The following UBR3 variants were observed in gnomAD, a reference collection of about 807,000 sequenced individuals.
The protein encoded by UBR3 is ubiquitin protein ligase E3 component n-recognin 3.
A neutral mutation model predicts 243.2 loss-of-function variants in UBR3; 85 were observed. The ratio of observed to expected loss-of-function variants is 0.35; its 90% CI spans 0.29 to 0.42. UBR3 has a LOEUF of 0.42. UBR3 is among the 10% of genes least tolerant of loss of function. UBR3 has a pLI of 1.00. For synonymous variants in UBR3, 748 were observed against 799.8 expected, an observed-to-expected ratio of 0.94 and a Z score of 1.09; for missense variants, 1,686 against 2,300.8, an observed-to-expected ratio of 0.73 and a Z score of 5.47.
chr2:169,951,496 CAGAT>C (rs1000591413), intron 23 of UBR3, among the ~76,000 whole-genome samples: 4 of 152,060 alleles, frequency 2.6e-5, no homozygotes, highest in Admixed American at 6.6e-5. Flanking sequence ...GACTGGTAAA[CAGAT>C]AGTTTGTTAG....
At chr2:169,970,094 T>C (rs2088037638) in intron 24 of UBR3, among the ~76,000 whole-genome samples, 1 of 140,406 alleles carries the variant, frequency 7.1e-6, no homozygotes, top group Non-Finnish European at 1.6e-5. Context: ...CTTTTGGTAG[T>C]GTGGTCATTT....
At chr2:169,944,607 A>G (rs2086715989) in intron 20 of UBR3, among the ~76,000 whole-genome samples, 1 of 152,190 alleles carries the variant, frequency 6.6e-6, no homozygotes, top group South Asian at 2.1e-4. Flanking sequence ...TTTAAAAATC[A>G]ATTTTAGTAA....
At chr2:170,048,917 G>C (rs1375033157) in intron 32 of UBR3, among the ~76,000 whole-genome samples, 1 of 152,026 alleles carries the variant, frequency 6.6e-6, no homozygotes, top group Non-Finnish European at 1.5e-5. Flanking sequence ...AATTTTGAGA[G>C]ATCAGATTTT....
intron 1 of UBR3, among the ~76,000 whole-genome samples, chr2:169,828,944 C>T (rs75735144): frequency 0.044 from 6,769 of 152,136 alleles, 225 homozygotes; most frequent in East Asian, 0.12. Context: ...AGAGTTGGTA[C>T]ATGTAGGGTC....
intron 1 of UBR3, among the ~76,000 whole-genome samples, chr2:169,834,721 A>T (rs925672158): frequency 6.6e-6 from 1 of 152,242 alleles, no homozygotes; most frequent in African/African-American, 2.4e-5. Flanking sequence ...ATATTTGAGT[A>T]TGCATCTCAG....
At chr2:169,985,548 G>A (rs2105387429) in intron 24 of UBR3, among the ~76,000 whole-genome samples, 1 of 152,034 alleles carries the variant, frequency 6.6e-6, no homozygotes, top group East Asian at 1.9e-4. Flanking sequence ...AACTCTTAAT[G>A]GCTTCTGGTA....
rs541208139 is a variant in UBR3 at position 169,999,482 on chromosome 2, A to G, written c.3919-1822A>G. Reference sequence around the variant, plus strand: ...TACTGTCATTTAAAGATCATTGGTCATCTTACATTATAAAAATAAAATTTA... The same window carrying G: ...TACTGTCATTTAAAGATCATTGGTCGTCTTACATTATAAAAATAAAATTTA... On this transcript the variant is annotated intron_variant, in intron 26 of 38. Transcript: ENST00000272793. 9.8e-5 allele frequency among the ~76,000 whole-genome samples: 15 copies of G among 152,366 alleles called. No homozygotes were observed. The South Asian group carries it at 3.1e-3, about 32-fold the overall frequency.
rs562112359 is a variant in UBR3 at position 169,977,503 on chromosome 2, C to T, written c.3635-9142C>T. Among the ~76,000 whole-genome samples, 7 of 152,230 alleles carry T rather than the reference C, an allele frequency of 4.6e-5. No individual in the cohort carries two copies. In the East Asian group the frequency reaches 1.2e-3, roughly 25 times the overall value. On this transcript the variant is annotated intron_variant, in intron 24 of 38. Coordinates refer to ENST00000272793, the MANE Select transcript of UBR3 (RefSeq NM_172070.4). ...CTGAGACTGAAGGCCTGCAAACCCC[C>T]AAGAGTCTTTTGTTACAGGTCCCAA...
chr2:169,893,931 T>A (rs1160217532), intron 6 of UBR3, among the ~76,000 whole-genome samples: 1 of 152,174 alleles, frequency 6.6e-6, no homozygotes, highest in Admixed American at 6.5e-5. Flanking sequence ...TTTTTATTAC[T>A]TTTTATCTTT....
chr2:169,995,882 T>G (rs1376084426), intron 26 of UBR3, among the ~76,000 whole-genome samples: 1 of 152,178 alleles, frequency 6.6e-6, no homozygotes, highest in Non-Finnish European at 1.5e-5. Context: ...GTTTCCTGAG[T>G]GGATTATCAA....
At chr2:170,063,810 C>T (rs1406203338) in intron 35 of UBR3, among the ~76,000 whole-genome samples, 1 of 152,146 alleles carries the variant, frequency 6.6e-6, no homozygotes, top group African/African-American at 2.4e-5. Flanking sequence ...AAAATTAACT[C>T]TTGCTATGAA....
chr2:170,006,976 A>G lies in UBR3; in HGVS notation c.4030-14A>G, dbSNP rs2089934966. ...GTGTATATCACGCATCTGTATGTTT[A>G]TTTCGTCTTTTAGAATGACCAGGTT... On this transcript the variant is annotated splice_polypyrimidine_tract_variant and intron_variant, in intron 27 of 38. Transcript: ENST00000272793. 1 of 1,609,824 alleles carries G rather than the reference A, an allele frequency of 6.2e-7. No homozygotes were observed. The highest frequency in any genetic ancestry group is 1.7e-5 in the Admixed American group (1 of 59,298).
Position 169,924,185 on chromosome 2 carries a change from G to T in UBR3, c.2022+12G>T. ...CACTCCAAATTCAAGTATGTATTCA[G>T]GCATTTAAAAAGTTTTGAAGTGGAT... is the stretch of plus-strand genomic sequence containing the variant. On this transcript the variant is annotated intron_variant, in intron 13 of 38. Coordinates refer to ENST00000272793, the MANE Select transcript of UBR3 (RefSeq NM_172070.4). The T allele has an allele frequency of 6.6e-7, 1 of 1,525,976 alleles. No homozygotes were observed. Among genetic ancestry groups the T allele is most frequent in the Non-Finnish European group, 8.8e-7 (1 of 1,138,328 alleles). The allele number at this position is 1,525,976 out of a possible 1,614,324, so 94.5% of individuals were successfully genotyped here. A position where few individuals can be genotyped will look rare whatever the true frequency, so the allele number is the denominator to read the frequency against.
intron 24 of UBR3, among the ~76,000 whole-genome samples, chr2:169,974,246 C>T (rs919023718): frequency 6.6e-6 from 1 of 152,086 alleles, no homozygotes; most frequent in African/African-American, 2.4e-5. Flanking sequence ...AGAATTGGTA[C>T]TGGTTCTTTA....
intron 5 of UBR3, among the ~76,000 whole-genome samples, chr2:169,881,950 GTATGTATACATACA>G (rs1559053821): frequency 8.4e-6 from 1 of 118,860 alleles, no homozygotes; most frequent in East Asian, 2.2e-4. Flanking sequence ...AATTACATAT[GTATGTATACATACA>G]TATGTAATTA....
chr2:169,989,530 T>G (rs1436474398), intron 25 of UBR3, among the ~76,000 whole-genome samples: 2 of 152,228 alleles, frequency 1.3e-5, no homozygotes, highest in African/African-American at 4.8e-5. Flanking sequence ...ACTGCCTAAA[T>G]CCATCAGTTG....
In UBR3 at chr2:169,928,886, A is replaced by C; in HGVS notation, c.2566+18A>C. The C allele has an allele frequency of 7.3e-7, 1 of 1,368,726 alleles. No homozygotes were observed. The highest frequency in any genetic ancestry group is 1.4e-5 in the African/African-American group (1 of 69,228). The allele number at this position is 1,368,726 out of a possible 1,614,324, so 84.8% of individuals were successfully genotyped here. A position where few individuals can be genotyped will look rare whatever the true frequency, so the allele number is the denominator to read the frequency against. ...TCCCAAAGGTATGTTTATATACATA[A>C]ATGGACTCTTTCAAATATCAGTTCT... On this transcript the variant is annotated intron_variant, in intron 18 of 38. Transcript: ENST00000272793.
chr2:170,064,599 T>C (rs1163805293), intron 35 of UBR3, among the ~76,000 whole-genome samples: 1 of 152,024 alleles, frequency 6.6e-6, no homozygotes, highest in African/African-American at 2.4e-5. Context: ...CAGCACTATG[T>C]ACAAATTATT....
At chr2:169,896,774 G>C in intron 8 of UBR3, 39 bp downstream of exon 8, 1 of 1,396,114 alleles carries the variant, frequency 7.2e-7, no homozygotes, top group Non-Finnish European at 9.8e-7. Flanking sequence ...ATTATTATCA[G>C]TATTATTATT....
Sources: gnomAD v4.1 joint callset for allele counts (sites outside exome capture counted in the v4.1 genomes callset) on GRCh38, gnomAD v4.1.1 for gene constraint, MANE v1.5 for transcripts, NCBI Gene and HGNC (gene_info 2026-07-23, HGNC 2026-07-21) for gene names.